MGMT: variants seen among roughly 807,000 people sequenced by gnomAD.
MGMT encodes the protein methylated-DNA--protein-cysteine methyltransferase.
MGMT carries 14 observed loss-of-function variants against 15.9 expected under a neutral mutation model. That is an observed-to-expected ratio of 0.88 (90% CI 0.58 to 1.37). The LOEUF (loss-of-function observed/expected upper bound fraction) is 1.37. Among genes scored for constraint, MGMT ranks in the 40% most tolerant of loss-of-function variants. MGMT has a pLI of 0.00. For missense variants in MGMT, 282 were observed against 268.1 expected, an observed-to-expected ratio of 1.05 and a Z score of -0.36; for synonymous variants, 130 against 118.2, an observed-to-expected ratio of 1.10 and a Z score of -0.65.
intron 4 of MGMT, among the ~76,000 whole-genome samples, chr10:129,761,170 G>A (rs1037362888): frequency 6.6e-6 from 1 of 152,110 alleles, no homozygotes; most frequent in Non-Finnish European, 1.5e-5. Context: ...GAGAACTGTG[G>A]ATGCGAATGG....
At chr10:129,690,983 G>A (rs900260832) in intron 2 of MGMT, among the ~76,000 whole-genome samples, 1 of 152,230 alleles carries the variant, frequency 6.6e-6, no homozygotes, top group Non-Finnish European at 1.5e-5. Flanking sequence ...TGTGACTGGA[G>A]TGTGAAGAGG....
chr10:129,520,506 C>T (rs1244488834), intron 1 of MGMT, among the ~76,000 whole-genome samples: 6 of 148,248 alleles, frequency 4.0e-5, no homozygotes, highest in East Asian at 4.1e-4. Flanking sequence ...AGAGCCCCTA[C>T]GGTGCAGGTG....
At position 129,532,456 on chromosome 10, in the gene MGMT, CCT is replaced by C. The variant is rs936560049; in HGVS notation, c.-12-3779_-12-3778del. 3.3e-5 allele frequency among the ~76,000 whole-genome samples: 5 copies of C among 152,202 alleles called. No homozygotes were observed. The highest frequency in any genetic ancestry group is 1.2e-4 in the African/African-American group (5 of 41,456). On this transcript the variant is annotated intron_variant, in intron 1 of 4. Transcript: ENST00000651593. This position sits in a 1 kb window ranked among gnomAD's most constrained non-coding sequence, Gnocchi z 5.3. ...CCAGACCATGATAACCTTGAGGACT[CCT>C]CTCTCCGGGAGACTGTCGGGGCTAA...
chr10:129,518,345 C>CT (rs1554905653), intron 1 of MGMT, among the ~76,000 whole-genome samples: 1 of 77,404 alleles, frequency 1.3e-5, no homozygotes, highest in African/African-American at 3.2e-5. Context: ...CATACACACA[C>CT]ACACACACAC....
At chr10:129,662,223 C>G (rs897409770) in intron 2 of MGMT, among the ~76,000 whole-genome samples, 2 of 152,018 alleles carry the variant, frequency 1.3e-5, no homozygotes, top group Admixed American at 6.6e-5. Context: ...AGATCATGCC[C>G]TACTGTATAG....
chr10:129,483,387 A>G (rs568683730), intron 1 of MGMT, among the ~76,000 whole-genome samples: 96 of 113,902 alleles, frequency 8.4e-4, no homozygotes, highest in African/African-American at 3.1e-3. Context: ...CCTAGTTTCC[A>G]TTGAGTACCA....
intron 2 of MGMT, among the ~76,000 whole-genome samples, chr10:129,541,813 AGGCTCTTTTT>A (rs1330712988): frequency 6.6e-6 from 1 of 152,154 alleles, no homozygotes; most frequent in Admixed American, 6.5e-5. Context: ...TCTACTGCAG[AGGCTCTTTTT>A]CTGTCTTCAT....
intron 1 of MGMT, among the ~76,000 whole-genome samples, chr10:129,520,513 G>A (rs1224952105): frequency 6.7e-6 from 1 of 149,588 alleles, no homozygotes; most frequent in Non-Finnish European, 1.5e-5. Flanking sequence ...CTACGGTGCA[G>A]GTGCAGAGCC....
At chr10:129,608,643 A>G (rs1296218604) in intron 2 of MGMT, among the ~76,000 whole-genome samples, 1 of 152,204 alleles carries the variant, frequency 6.6e-6, no homozygotes, top group Non-Finnish European at 1.5e-5. Context: ...TAGTTTTTCT[A>G]TTTAATAGTC....
intron 1 of MGMT, among the ~76,000 whole-genome samples, chr10:129,528,157 G>T (rs559732337): frequency 6.6e-6 from 1 of 152,282 alleles, no homozygotes; most frequent in East Asian, 1.9e-4. Context: ...AATCGTGGGT[G>T]CCAGGCACTG....
At chr10:129,491,857 CTTATTA>C (rs750102942) in intron 1 of MGMT, among the ~76,000 whole-genome samples, 19 of 152,174 alleles carry the variant, frequency 1.2e-4, no homozygotes, top group Non-Finnish European at 2.6e-4. Flanking sequence ...GTCTTTTCCT[CTTATTA>C]TTAAGTGTAT....
chr10:129,606,388 C>T (rs540739797), intron 2 of MGMT, among the ~76,000 whole-genome samples: 2 of 152,254 alleles, frequency 1.3e-5, no homozygotes, highest in East Asian at 1.9e-4. Context: ...TCCCTGTCTT[C>T]GTTGACTTTT....
At chr10:129,564,897 A>T (rs1846336427) in intron 2 of MGMT, among the ~76,000 whole-genome samples, 1 of 151,790 alleles carries the variant, frequency 6.6e-6, no homozygotes. Flanking sequence ...GCGCCCACCT[A>T]TGGCCACTGC....
chr10:129,729,940 G>A (rs115438000), intron 3 of MGMT, among the ~76,000 whole-genome samples: 2,145 of 152,302 alleles, frequency 0.014, 56 homozygotes, highest in African/African-American at 0.048. Context: ...AACACAGTCA[G>A]ACGGTGTTGA....
chr10:129,673,230 C>G (rs537015844), intron 2 of MGMT, among the ~76,000 whole-genome samples: 5 of 152,152 alleles, frequency 3.3e-5, no homozygotes, highest in Admixed American at 2.0e-4. Flanking sequence ...TTGTCGCTGT[C>G]TGCTCTTAGA....
chr10:129,602,594 T>G (rs1055170166), intron 2 of MGMT, among the ~76,000 whole-genome samples: 1 of 152,186 alleles, frequency 6.6e-6, no homozygotes, highest in African/African-American at 2.4e-5. Context: ...TAGGATTTCC[T>G]GCTGTCCTTT....
intron 2 of MGMT, among the ~76,000 whole-genome samples, chr10:129,587,169 C>T (rs973405439): frequency 4.6e-5 from 7 of 152,012 alleles, no homozygotes; most frequent in Non-Finnish European, 1.0e-4. Context: ...TGTTCTTTAT[C>T]GCTGGCTTTG....
intron 2 of MGMT, among the ~76,000 whole-genome samples, chr10:129,693,537 T>C (rs1449447469): frequency 6.6e-6 from 1 of 152,084 alleles, no homozygotes; most frequent in Non-Finnish European, 1.5e-5. Flanking sequence ...AGGTGGAGGC[T>C]TCTCTTGGTC....
intron 1 of MGMT, among the ~76,000 whole-genome samples, chr10:129,471,998 T>C (rs1845236825): frequency 6.6e-6 from 1 of 152,234 alleles, no homozygotes; most frequent in Non-Finnish European, 1.5e-5. Context: ...GATGCAGATG[T>C]TACCAAAACT....
Sources: allele counts gnomAD v4.1 joint callset (sites outside exome capture counted in the v4.1 genomes callset), GRCh38; gene constraint gnomAD v4.1.1; non-coding constraint Gnocchi (gnomAD v3.1); transcripts MANE v1.5; gene names NCBI Gene and HGNC (gene_info 2026-07-23, HGNC 2026-07-21).